INO80: variants seen among roughly 807,000 people sequenced by gnomAD.
INO80 encodes INO80 complex ATPase subunit, also known as chromatin-remodeling ATPase INO80.
A neutral mutation model predicts 203.4 loss-of-function variants in INO80; 20 were observed. That is an observed-to-expected ratio of 0.10 (90% CI 0.07 to 0.14). INO80 has a LOEUF of 0.14. Ranked by LOEUF, INO80 falls within the 10% of genes least tolerant of loss-of-function variation. INO80 has a pLI of 1.00. For missense variants in INO80, 1,419 were observed against 1,914.4 expected, an observed-to-expected ratio of 0.74 and a Z score of 4.83; for synonymous variants, 726 against 685.2, an observed-to-expected ratio of 1.06 and a Z score of -0.93.
intron 33 of INO80, 99 bp from the exon 34 acceptor site, chr15:40,984,020 G>A: frequency 6.8e-7 from 1 of 1,462,902 alleles, no homozygotes; most frequent in Middle Eastern, 2.4e-4. Context: ...GGCTGCTTTG[G>A]CTTCTGAGAA....
rs1160448010 is a variant in INO80 at position 41,008,440 on chromosome 15, G to A, written c.3403-2753C>T. ...TGCCAGGGGGTAGGGGAAATGGGGA[G>A]ATGTTGGTCAAAGGGTACAAAGGTT... On this transcript the variant is annotated intron_variant, in intron 27 of 35. Transcript: ENST00000648947. Among the ~76,000 whole-genome samples, 4 of 152,236 alleles carry A rather than the reference G, an allele frequency of 2.6e-5. No individual in the cohort carries two copies. In the East Asian group the frequency reaches 7.7e-4, roughly 29 times the overall value.
intron 14 of INO80, among the ~76,000 whole-genome samples, chr15:41,060,957 C>A (rs80352401): frequency 2.4e-3 from 358 of 152,058 alleles, no homozygotes; most frequent in African/African-American, 8.2e-3. Context: ...TGAATGAAAG[C>A]CTACATGAAA....
At chr15:41,031,247 T>C (rs1282834868) in intron 24 of INO80, among the ~76,000 whole-genome samples, 1 of 151,962 alleles carries the variant, frequency 6.6e-6, no homozygotes, top group Non-Finnish European at 1.5e-5. Flanking sequence ...TTTCCCTTCA[T>C]GTAGCAACAT....
At chr15:40,987,063 G>A (rs1400583226) in intron 31 of INO80, 28 bp downstream of exon 31, 1 of 1,265,360 alleles carries the variant, frequency 7.9e-7, no homozygotes, top group Non-Finnish European at 1.2e-6. Flanking sequence ...ATACGTGAGG[G>A]GAGTGTATAG....
intron 7 of INO80, 116 bp from the exon 8 acceptor site, chr15:41,081,189 G>C: frequency 1.5e-6 from 1 of 657,174 alleles, no homozygotes; most frequent in Non-Finnish European, 2.7e-6. Flanking sequence ...AGCCAAGCAA[G>C]ATATATTACT....
At chr15:40,998,589 C>T (rs530800971) in intron 28 of INO80, among the ~76,000 whole-genome samples, 2 of 152,152 alleles carry the variant, frequency 1.3e-5, no homozygotes, top group African/African-American at 4.8e-5. Flanking sequence ...GTCACTCACT[C>T]GAGCAACAAA....
intron 27 of INO80, among the ~76,000 whole-genome samples, chr15:41,015,234 G>C (rs1255178671): frequency 6.6e-6 from 1 of 152,148 alleles, no homozygotes; most frequent in African/African-American, 2.4e-5. Context: ...TGTCAAGCCT[G>C]GTTGCATATT....
chr15:40,995,368 T>C (rs2043868123), intron 29 of INO80, among the ~76,000 whole-genome samples: 1 of 152,282 alleles, frequency 6.6e-6, no homozygotes, highest in East Asian at 1.9e-4. Context: ...GAACAGTTTA[T>C]CCAACAGTGT....
chr15:40,980,947 A>G (rs1487046516), intron 35 of INO80, among the ~76,000 whole-genome samples: 1 of 152,140 alleles, frequency 6.6e-6, no homozygotes, highest in Non-Finnish European at 1.5e-5. Context: ...TTGCGCTGGC[A>G]ATGGCCACCC....
chr15:41,056,616 G>T lies in INO80; in HGVS notation c.2070+6C>A. The T allele has an allele frequency of 1.2e-6, 2 of 1,605,216 alleles. No homozygotes were observed. Among genetic ancestry groups the T allele is most frequent in the Non-Finnish European group, 1.7e-6 (2 of 1,171,920 alleles). ...ATATAAACCTGTGACCTGGACTAGT[G>T]CCTACCTCTGCCATGGTGTTCTGAA... is the stretch of plus-strand genomic sequence containing the variant. On this transcript the variant is annotated splice_donor_region_variant and intron_variant, in intron 17 of 35. Transcript: ENST00000648947.
At chr15:41,057,578 C>T (rs967952655) in intron 16 of INO80, among the ~76,000 whole-genome samples, 5 of 151,710 alleles carry the variant, frequency 3.3e-5, no homozygotes, top group African/African-American at 1.2e-4. Flanking sequence ...AGGTGGATAA[C>T]CTGAGGTCAG....
intron 24 of INO80, among the ~76,000 whole-genome samples, chr15:41,028,679 A>C (rs954175839): frequency 6.6e-6 from 1 of 152,164 alleles, no homozygotes; most frequent in Admixed American, 6.5e-5. Context: ...CAACATGGCG[A>C]AACTCTGTCT....
rs1454366701 is a variant in INO80 at position 40,987,987 on chromosome 15, T to C, written c.3571-13A>G. On this transcript the variant is annotated splice_polypyrimidine_tract_variant and intron_variant, in intron 29 of 35. Transcript: ENST00000648947. ...CATAGAAAATCACCTGCATAGAATA[T>C]AGCAAAAACTGAAGCACTCTTAGGG... 2 of 1,600,318 alleles carry C rather than the reference T, an allele frequency of 1.2e-6. No homozygotes were observed. Among genetic ancestry groups the C allele is most frequent in the African/African-American group, 1.3e-5 (1 of 74,364 alleles).
At chr15:41,032,222 A>C (rs549160734) in intron 24 of INO80, among the ~76,000 whole-genome samples, 2 of 152,310 alleles carry the variant, frequency 1.3e-5, no homozygotes, top group South Asian at 4.1e-4. Flanking sequence ...TTATGTTAAA[A>C]ATTTAGGTCT....
chr15:41,034,534 G>A (rs2044540706), intron 24 of INO80, among the ~76,000 whole-genome samples: 1 of 152,156 alleles, frequency 6.6e-6, no homozygotes, highest in African/African-American at 2.4e-5. Context: ...ACAGGCTACA[G>A]GAACAATAAC....
chr15:41,014,079 T>C (rs550127461), intron 27 of INO80, among the ~76,000 whole-genome samples: 1 of 152,330 alleles, frequency 6.6e-6, no homozygotes, highest in East Asian at 1.9e-4. Context: ...TAATATTTAA[T>C]GAGAACCTAG....
chr15:41,041,685 T>C (rs190397155), intron 24 of INO80, among the ~76,000 whole-genome samples: 8 of 152,068 alleles, frequency 5.3e-5, no homozygotes, highest in Admixed American at 2.0e-4. Context: ...TCAGGTGCTC[T>C]GCCCGCCTTG....
At chr15:41,106,383 C>CAAA (rs369784846) in intron 1 of INO80, among the ~76,000 whole-genome samples, 10 of 83,858 alleles carry the variant, frequency 1.2e-4, no homozygotes, top group Non-Finnish European at 1.3e-4. Context: ...GACCCTGTCT[C>CAAA]AAAAAAAAAA....
chr15:41,075,932 C>A (rs2140610676), intron 9 of INO80, among the ~76,000 whole-genome samples: 1 of 152,138 alleles, frequency 6.6e-6, no homozygotes, highest in African/African-American at 2.4e-5. Flanking sequence ...CACCAAAAGT[C>A]AAAATAGCTG....
Sources: allele counts gnomAD v4.1 joint callset (sites outside exome capture counted in the v4.1 genomes callset), GRCh38; gene constraint gnomAD v4.1.1; transcripts MANE v1.5; gene names NCBI Gene and HGNC (gene_info 2026-07-23, HGNC 2026-07-21).